Variants in CTNNA2 observed in about 807,000 individuals in gnomAD.
CTNNA2 encodes catenin alpha-2.
Under a neutral mutation model 101.0 loss-of-function variants are expected in CTNNA2, and 42 were observed. The observed-to-expected ratio is 0.42, with a 90% CI of 0.32 to 0.54. The LOEUF is 0.54. Ranked by LOEUF, CTNNA2 falls within the 20% of genes least tolerant of loss-of-function variation. The pLI, the probability that CTNNA2 is intolerant of heterozygous loss-of-function variation, is 0.14. For missense variants in CTNNA2, 871 were observed against 1,223.1 expected (o/e 0.71, Z 4.29); for synonymous variants, 450 against 456.4 (o/e 0.99, Z 0.18).
intron 2 of CTNNA2, among the ~76,000 whole-genome samples, chr2:79,725,598 A>G (rs1274536252): frequency 6.6e-6 from 1 of 152,242 alleles, no homozygotes; most frequent in Non-Finnish European, 1.5e-5. Context: ...TCTCATAACT[A>G]TACTCATTCA....
At chr2:79,651,785 A>G in intron 2 of CTNNA2, 127 bp downstream of exon 2, 1 of 765,508 alleles carries the variant, frequency 1.3e-6, no homozygotes, top group Admixed American at 2.4e-5. Flanking sequence ...TACTGAATAT[A>G]TATTACTGCC....
chr2:79,321,936 A>AATC (rs1320870417), intron 3 of CTNNA2, among the ~76,000 whole-genome samples: 1 of 152,164 alleles, frequency 6.6e-6, no homozygotes, highest in Non-Finnish European at 1.5e-5. Flanking sequence ...CAGACATAGA[A>AATC]ATCATCCCAG....
chr2:80,644,093 T>C (rs1204465375), intron 18 of CTNNA2, among the ~76,000 whole-genome samples: 2 of 152,100 alleles, frequency 1.3e-5, no homozygotes, highest in African/African-American at 2.4e-5. Flanking sequence ...CGGGGGAACA[T>C]TGCTCCATGG....
intron 6 of CTNNA2, among the ~76,000 whole-genome samples, chr2:79,889,460 C>T (rs907206267): frequency 4.6e-5 from 7 of 152,094 alleles, no homozygotes; most frequent in African/African-American, 1.4e-4. Context: ...CATAAATAGT[C>T]GGTTGTGGTT....
At chr2:79,814,771 T>A (rs1253340461) in intron 3 of CTNNA2, among the ~76,000 whole-genome samples, 1 of 152,170 alleles carries the variant, frequency 6.6e-6, no homozygotes, top group Non-Finnish European at 1.5e-5. Flanking sequence ...TGTACTGGCC[T>A]CTTTTCCTCT....
intron 18 of CTNNA2, among the ~76,000 whole-genome samples, chr2:80,639,886 AG>A (rs1673278981): frequency 6.6e-6 from 1 of 152,080 alleles, no homozygotes; most frequent in African/African-American, 2.4e-5. Context: ...GCAGATCATG[AG>A]GTCAGGAGTT....
At chr2:80,087,162 T>G (rs1441651553) in intron 7 of CTNNA2, among the ~76,000 whole-genome samples, 1 of 151,964 alleles carries the variant, frequency 6.6e-6, no homozygotes. Context: ...TCACAGTGAG[T>G]CAGCAATTAT....
intron 3 of CTNNA2, among the ~76,000 whole-genome samples, chr2:79,318,623 G>T (rs1050575047): frequency 6.6e-6 from 1 of 152,198 alleles, no homozygotes; most frequent in Non-Finnish European, 1.5e-5. Context: ...AATTGTGAAG[G>T]CCTAAGGAAT....
At chr2:79,957,313 G>T (rs1003531380) in intron 7 of CTNNA2, among the ~76,000 whole-genome samples, 1 of 152,104 alleles carries the variant, frequency 6.6e-6, no homozygotes, top group African/African-American at 2.4e-5. Flanking sequence ...TGCCCTAGGA[G>T]GCTTGACCTC....
intron 7 of CTNNA2, among the ~76,000 whole-genome samples, chr2:80,051,748 T>C (rs1462357094): frequency 6.6e-6 from 1 of 152,050 alleles, no homozygotes; most frequent in Non-Finnish European, 1.5e-5. Flanking sequence ...GAAGAATTCC[T>C]GAGGAAAATG....
chr2:79,786,958 A>C (rs73941310), intron 3 of CTNNA2, among the ~76,000 whole-genome samples: 8,207 of 152,110 alleles, frequency 0.054, 563 homozygotes, highest in African/African-American at 0.16. Flanking sequence ...ATCAGATCCA[A>C]TCCCTGCCTT....
At position 80,083,988 on chromosome 2, in the gene CTNNA2, T is replaced by C. The variant is rs561271886; in HGVS notation, c.1056+174191T>C. On this transcript the variant is annotated intron_variant, in intron 7 of 18. Coordinates refer to ENST00000402739, the MANE Select transcript of CTNNA2 (RefSeq NM_001282597.3). ...TATCTTGATGAGACAAGAGCATTTG[T>C]AGAGGAGGGTTTATTTGCAGCTCTT... is the stretch of plus-strand genomic sequence containing the variant. 1.8e-4 allele frequency among the ~76,000 whole-genome samples: 28 copies of C among 152,138 alleles called. No individual in the cohort carries two copies. The East Asian group carries it at 5.0e-3, about 27-fold the overall frequency.
intron 6 of CTNNA2, among the ~76,000 whole-genome samples, chr2:79,902,305 C>G (rs1431224556): frequency 6.6e-6 from 1 of 152,140 alleles, no homozygotes; most frequent in Non-Finnish European, 1.5e-5. Flanking sequence ...CAGCCCTGCT[C>G]TTTGCCCTGA....
At chr2:79,403,946 G>A (rs865949391) in intron 4 of CTNNA2, among the ~76,000 whole-genome samples, 1 of 151,902 alleles carries the variant, frequency 6.6e-6, no homozygotes, top group Admixed American at 6.6e-5. Flanking sequence ...AAACTGATAC[G>A]ATACAAACAG....
intron 8 of CTNNA2, among the ~76,000 whole-genome samples, chr2:80,411,099 G>T (rs1679528136): frequency 6.6e-6 from 1 of 152,182 alleles, no homozygotes; most frequent in Admixed American, 6.5e-5. Context: ...TCTGGGAGAA[G>T]TCTCTTGGCC....
chr2:79,971,567 T>TC (rs1690487825), intron 7 of CTNNA2, among the ~76,000 whole-genome samples: 1 of 152,070 alleles, frequency 6.6e-6, no homozygotes, highest in African/African-American at 2.4e-5. Flanking sequence ...TTTATAATTA[T>TC]CCCCCTTTTC....
intron 1 of CTNNA2, among the ~76,000 whole-genome samples, chr2:79,621,982 T>C (rs1404479128): frequency 6.6e-6 from 1 of 152,176 alleles, no homozygotes; most frequent in Non-Finnish European, 1.5e-5. Context: ...TGAGAAACTG[T>C]AGCAGCCTTC....
intron 9 of CTNNA2, among the ~76,000 whole-genome samples, chr2:80,520,912 A>G (rs1266466351): frequency 1.3e-5 from 2 of 152,124 alleles, no homozygotes; most frequent in East Asian, 3.9e-4. Context: ...TTGGTGTGGA[A>G]TGATCCAAGG....
chr2:79,288,048 G>A (rs192885693), intron 2 of CTNNA2, among the ~76,000 whole-genome samples: 2 of 152,334 alleles, frequency 1.3e-5, no homozygotes, highest in East Asian at 3.9e-4. Context: ...GACTAGGAAA[G>A]GGAACTCCCT....
Sources: gnomAD v4.1 joint callset for allele counts (sites outside exome capture counted in the v4.1 genomes callset) on GRCh38, gnomAD v4.1.1 for gene constraint, MANE v1.5 for transcripts, NCBI Gene and HGNC (gene_info 2026-07-23, HGNC 2026-07-21) for gene names.